Variants in TPR observed in about 807,000 individuals in gnomAD.
The protein encoded by TPR is nucleoprotein TPR.
Under a neutral mutation model 316.1 loss-of-function variants are expected in TPR, and 51 were observed. That is an observed-to-expected ratio of 0.16 (90% CI 0.13 to 0.20). The LOEUF is 0.20. TPR is among the 10% of genes least tolerant of loss of function. The pLI, the probability that TPR is intolerant of heterozygous loss-of-function variation, is 1.00. For synonymous variants in TPR, 981 were observed against 914.7 expected, an observed-to-expected ratio of 1.07 and a Z score of -1.31; for missense variants, 2,272 against 2,754.8, an observed-to-expected ratio of 0.82 and a Z score of 3.92.
At position 186,373,409 on chromosome 1, in the gene TPR, A is replaced by G. The variant is rs1659592498; in HGVS notation, c.206T>C (p.Val69Ala). Residue 69 changes from valine (V) to alanine (A), a missense_variant, in exon 2 of 51, where the codon GTG (valine) becomes GCG (alanine). Val to Ala is a moderately conservative substitution (Grantham distance 64, BLOSUM62 0). This residue lies in a region of TPR where 549 missense variants were observed against 598.6 expected (regional missense o/e 0.92). Transcript: ENST00000367478. ...KRLSHSQERL[V>A]NETRECQSLR... The stretch of plus-strand genomic sequence containing the variant: ...GCTTTGACACTCTCGGGTTTCATTC[A>G]CAAGTCTCTCCTGACTGTGGGACAA... The G allele has an allele frequency of 6.2e-7, 1 of 1,613,696 alleles. No individual in the cohort carries two copies. Among genetic ancestry groups the G allele is most frequent in the Non-Finnish European group, 8.5e-7 (1 of 1,179,790 alleles).
At chr1:186,373,553 T>G (rs1659596015) in intron 1 of TPR, 90 bp from the exon 2 acceptor site, 1 of 739,562 alleles carries the variant, frequency 1.4e-6, no homozygotes, top group African/African-American at 1.8e-5. Flanking sequence ...AACCTTGATT[T>G]TAAAACTTAA....
rs1188942196 is a variant in TPR, at chr1:186,312,229, G to A, written c.*1742C>T. 1 of 1,614,006 alleles carries A rather than the reference G, an allele frequency of 6.2e-7. No homozygotes were observed. The highest frequency in any genetic ancestry group is 1.1e-5 in the South Asian group (1 of 91,078). ...CAGGAACCTGTACAGAAGTGCCCTG[G>A]AAGAAGGCCTGCTCTAAATTATCCA... is the stretch of plus-strand genomic sequence containing the variant. On this transcript the variant is annotated 3_prime_UTR_variant, in exon 51 of 51. Coordinates refer to ENST00000367478, the MANE Select transcript of TPR (RefSeq NM_003292.3).
rs199587162 is a variant in TPR at position 186,347,359 on chromosome 1, G to A, written c.2876C>T (p.Thr959Met). Residue 959 changes from threonine to methionine, a missense_variant, in exon 22 of 51, where the codon ACG becomes ATG. Around this residue, in one of 10 missense-constraint regions of TPR, gnomAD observed 757 missense variants for 859.8 expected, o/e 0.88. Coordinates refer to ENST00000367478, the MANE Select transcript of TPR (RefSeq NM_003292.3). Reference protein sequence around the residue: ...NDLKERLKTSTSNVEQYQAMV... With the variant: ...NDLKERLKTSMSNVEQYQAMV... ...TGCTTGATATTGTTCCACATTGCTCGTACTTGTTTTGAGTCTCTCCTTTAA... is the reference window on the plus strand; with the variant it reads ...TGCTTGATATTGTTCCACATTGCTCATACTTGTTTTGAGTCTCTCCTTTAA... 2.0e-5 allele frequency: 32 copies of A among 1,613,758 alleles called. No homozygotes were observed. The highest frequency in any genetic ancestry group is 5.5e-5 in the South Asian group (5 of 91,060).
intron 42 of TPR, 76 bp downstream of exon 42, chr1:186,325,688 T>C: frequency 5.3e-6 from 6 of 1,125,452 alleles, no homozygotes; most frequent in Non-Finnish European, 7.7e-6. Flanking sequence ...TAAATTTATA[T>C]ATTAGAATTA....
intron 42 of TPR, among the ~76,000 whole-genome samples, chr1:186,325,315 C>T (rs1320875045): frequency 6.6e-6 from 1 of 152,084 alleles, no homozygotes; most frequent in Non-Finnish European, 1.5e-5. Flanking sequence ...AGGACTTATC[C>T]AAGATTTAAC....
rs1476464196 is a variant in TPR, at chr1:186,361,550, T to A, written c.958+72A>T. ...TCTAACACCTAAATCCAATCATCTA[T>A]ACAAAACAAGGGTAAAAAAAAAAAA... On this transcript the variant is annotated intron_variant, in intron 9 of 50. Coordinates refer to ENST00000367478, the MANE Select transcript of TPR (RefSeq NM_003292.3). 4.8e-6 allele frequency: 7 copies of A among 1,465,418 alleles called. No individual in the cohort carries two copies. The Admixed American group carries it at 9.3e-5, about 19-fold the overall frequency. 90.8% of individuals were successfully genotyped at this position (1,465,418 alleles called of 1,614,324 possible).
chr1:186,315,216 A>C (rs1657568176), intron 49 of TPR, among the ~76,000 whole-genome samples: 1 of 147,492 alleles, frequency 6.8e-6, no homozygotes, highest in African/African-American at 2.5e-5. Context: ...CAAAAAAAAA[A>C]CAAACAAACA....
At chr1:186,327,858 T>C (rs1203851153) in intron 39 of TPR, among the ~76,000 whole-genome samples, 198 bp from the exon 40 acceptor site, 1 of 152,016 alleles carries the variant, frequency 6.6e-6, no homozygotes, top group Non-Finnish European at 1.5e-5. Flanking sequence ...CTCAGCTCAC[T>C]GAAACCTCCG....
intron 22 of TPR, among the ~76,000 whole-genome samples, 159 bp from the exon 23 acceptor site, chr1:186,346,446 A>C (rs1658678783): frequency 6.6e-6 from 1 of 152,200 alleles, no homozygotes; most frequent in Admixed American, 6.5e-5. Flanking sequence ...ATTCAACAAC[A>C]AGCAAAAACA....
At chr1:186,369,452 T>C (rs942015327) in intron 3 of TPR, among the ~76,000 whole-genome samples, 1 of 152,192 alleles carries the variant, frequency 6.6e-6, no homozygotes, top group African/African-American at 2.4e-5. Flanking sequence ...TTTCAGTATA[T>C]GAATCTTTCA....
chr1:186,316,837 T>C (rs1386353681), intron 49 of TPR, among the ~76,000 whole-genome samples: 4 of 152,242 alleles, frequency 2.6e-5, no homozygotes, highest in Non-Finnish European at 5.9e-5. Context: ...GGGCTCAGAA[T>C]ACTACATGAT....
At chr1:186,361,386 A>G (rs1659182542) in intron 9 of TPR, among the ~76,000 whole-genome samples, 1 of 151,980 alleles carries the variant, frequency 6.6e-6, no homozygotes, top group Admixed American at 6.6e-5. Context: ...ATTATACAAG[A>G]TTATTAGATA....
intron 42 of TPR, 183 bp downstream of exon 42, chr1:186,325,581 C>A: frequency 2.1e-6 from 1 of 486,510 alleles, no homozygotes; most frequent in Non-Finnish European, 3.6e-6. Context: ...AGTATAATGA[C>A]AGCACCTAAC....
chr1:186,343,559 A>G (rs1658577515), intron 26 of TPR, 86 bp from the exon 27 acceptor site: 1 of 1,258,988 alleles, frequency 7.9e-7, no homozygotes, highest in South Asian at 1.4e-5. Context: ...GATGACAAAA[A>G]TCATTGACTT....
intron 29 of TPR, among the ~76,000 whole-genome samples, chr1:186,340,129 T>A (rs576176714): frequency 6.6e-6 from 1 of 151,980 alleles, no homozygotes; most frequent in African/African-American, 2.4e-5. Flanking sequence ...AGAAAAAAAA[T>A]ATAGACAATG....
In TPR at chr1:186,339,725, C is replaced by T. The variant is rs760452815; in HGVS notation, c.4068G>A (p.Lys1356=). ...QKDPDTEEYR[K]LLSEKEVHTK... is the part of the protein sequence containing the mutation. ...TATGAACTTCCTTTTCAGAAAGGAGCTTCCGATATTCTTCTGTATCTGGAT... is the reference window on the plus strand; with the variant it reads ...TATGAACTTCCTTTTCAGAAAGGAGTTTCCGATATTCTTCTGTATCTGGAT... Residue 1356 remains lysine, a synonymous_variant, in exon 30 of 51, where the codon AAG becomes AAA. Transcript: ENST00000367478. 36 of 1,603,910 alleles carry T rather than the reference C, an allele frequency of 2.2e-5. No homozygotes were observed. The highest frequency in any genetic ancestry group is 3.1e-5 in the Non-Finnish European group (36 of 1,175,194).
At chr1:186,351,812 T>G (rs1658869755) in intron 19 of TPR, 164 bp downstream of exon 19, 1 of 776,106 alleles carries the variant, frequency 1.3e-6, no homozygotes, top group African/African-American at 1.8e-5. Context: ...CTTTCAATAT[T>G]TTATTTAAAA....
At chr1:186,329,962 G>A (rs1271344915) in intron 39 of TPR, among the ~76,000 whole-genome samples, 2 of 151,968 alleles carry the variant, frequency 1.3e-5, no homozygotes, top group Non-Finnish European at 2.9e-5. Context: ...TGTGAACTTC[G>A]GTACACTACT....
intron 41 of TPR, 71 bp downstream of exon 41, chr1:186,326,033 T>C (rs1370621812): frequency 6.2e-6 from 10 of 1,600,072 alleles, no homozygotes; most frequent in Non-Finnish European, 7.7e-6. Context: ...CCTTTCTATA[T>C]CCTTGGAAAA....
Sources: allele counts gnomAD v4.1 joint callset (sites outside exome capture counted in the v4.1 genomes callset), GRCh38; gene constraint gnomAD v4.1.1; regional missense constraint gnomAD v4.1.1; transcripts MANE v1.5; gene names NCBI Gene and HGNC (gene_info 2026-07-23, HGNC 2026-07-21).